PALM2AKAP2: variants seen among roughly 807,000 people sequenced by gnomAD.
The protein encoded by PALM2AKAP2 is PALM2-AKAP2 fusion protein.
In PALM2AKAP2, 37 loss-of-function variants were observed where a neutral mutation model predicts 71.5. That is an observed-to-expected ratio of 0.52 (90% CI 0.40 to 0.68). The LOEUF is 0.68. Ranked by LOEUF, PALM2AKAP2 falls within the 30% of genes least tolerant of loss-of-function variation. The probability of loss-of-function intolerance (pLI) is 0.00; values close to 1 mark genes in which losing one functional copy is unlikely to be tolerated. For missense variants in PALM2AKAP2, 1,224 were observed against 1,191.8 expected, an observed-to-expected ratio of 1.03 and a Z score of -0.40; for synonymous variants, 468 against 478.8, an observed-to-expected ratio of 0.98 and a Z score of 0.29.
chr9:110,101,961 G>A (rs1328906917), intron 1 of PALM2AKAP2, among the ~76,000 whole-genome samples: 1 of 152,212 alleles, frequency 6.6e-6, no homozygotes, highest in Non-Finnish European at 1.5e-5. Context: ...GAGAGCTGCT[G>A]CTGATGGGCA....
At chr9:109,970,114 T>C (rs1226017129) in intron 6 of PALM2AKAP2, among the ~76,000 whole-genome samples, 2 of 152,218 alleles carry the variant, frequency 1.3e-5, no homozygotes, top group Admixed American at 6.5e-5. Flanking sequence ...GAGAACAATG[T>C]CCCTCTCTAT....
intron 6 of PALM2AKAP2, among the ~76,000 whole-genome samples, chr9:109,999,590 C>T (rs1286343059): frequency 6.6e-6 from 1 of 152,158 alleles, no homozygotes; most frequent in Admixed American, 6.5e-5. Flanking sequence ...AAACTTCCTG[C>T]CCAGAACTAA....
At chr9:109,671,478 C>T (rs964735058) in intron 1 of PALM2AKAP2, among the ~76,000 whole-genome samples, 18 of 152,120 alleles carry the variant, frequency 1.2e-4, no homozygotes, top group Non-Finnish European at 2.4e-4. Flanking sequence ...GTTTTTGTAC[C>T]AGTACCATGT....
At chr9:110,010,983 C>A (rs1426608922) in intron 6 of PALM2AKAP2, among the ~76,000 whole-genome samples, 1 of 78,962 alleles carries the variant, frequency 1.3e-5, no homozygotes, top group Admixed American at 1.9e-4. Context: ...GCAACAAGAG[C>A]GAAACTCTGT....
exon 2 of PALM2AKAP2, chr9:110,137,083 G>A: frequency 6.2e-7 from 1 of 1,613,130 alleles, no homozygotes; most frequent in Non-Finnish European, 8.5e-7. Context: ...TGCTGCAGAA[G>A]CAGTTACAGC....
chr9:110,106,689 C>A (rs1361194688), intron 1 of PALM2AKAP2, among the ~76,000 whole-genome samples: 2 of 152,090 alleles, frequency 1.3e-5, no homozygotes, highest in African/African-American at 4.8e-5. Flanking sequence ...TGCCAGCCAG[C>A]CATGAGTGGA....
At chr9:110,143,387 A>G (rs1209851028) in intron 2 of PALM2AKAP2, among the ~76,000 whole-genome samples, 3 of 136,466 alleles carry the variant, frequency 2.2e-5, no homozygotes, top group Non-Finnish European at 3.0e-5. Context: ...GAACCATTGT[A>G]CTCCAGGCTG....
intron 1 of PALM2AKAP2, among the ~76,000 whole-genome samples, chr9:109,739,184 T>C (rs949773009): frequency 1.1e-4 from 16 of 152,176 alleles, no homozygotes; most frequent in African/African-American, 2.9e-4. Context: ...CACCAGACTT[T>C]GCTGACATAG....
intron 2 of PALM2AKAP2, among the ~76,000 whole-genome samples, chr9:109,873,931 A>G (rs1829663287): frequency 6.6e-6 from 1 of 152,200 alleles, no homozygotes. Context: ...ATTTGAACCT[A>G]GGAATTCGAG....
intron 1 of PALM2AKAP2, among the ~76,000 whole-genome samples, chr9:109,687,232 C>A (rs187119000): frequency 6.6e-5 from 10 of 152,158 alleles, no homozygotes; most frequent in African/African-American, 2.4e-4. Flanking sequence ...CTATATTAGC[C>A]CCCAAAAAGA....
At chr9:109,727,552 G>A (rs1828494038) in intron 1 of PALM2AKAP2, among the ~76,000 whole-genome samples, 1 of 152,160 alleles carries the variant, frequency 6.6e-6, no homozygotes, top group Non-Finnish European at 1.5e-5. Context: ...TGATGCAGGT[G>A]GCCAATGATG....
intron 3 of PALM2AKAP2, among the ~76,000 whole-genome samples, chr9:109,918,968 T>TAGCGCAG (rs1233402915): frequency 6.6e-6 from 1 of 152,130 alleles, no homozygotes; most frequent in Non-Finnish European, 1.5e-5. Flanking sequence ...CTGAACCATA[T>TAGCGCAG]AGCGCAGAGC....
chr9:110,078,236 G>A (rs560165470), intron 1 of PALM2AKAP2, among the ~76,000 whole-genome samples: 1 of 152,134 alleles, frequency 6.6e-6, no homozygotes, highest in Non-Finnish European at 1.5e-5. Flanking sequence ...TTTAGACAGG[G>A]TGTATTCTGG....
chr9:109,832,210 A>G (rs1828319632), intron 1 of PALM2AKAP2, among the ~76,000 whole-genome samples: 1 of 152,282 alleles, frequency 6.6e-6, no homozygotes, highest in South Asian at 2.1e-4. Context: ...TGTACACACC[A>G]GAAGTGTTCC....
chr9:109,789,413 T>C (rs1341742822), intron 1 of PALM2AKAP2, among the ~76,000 whole-genome samples: 1 of 152,232 alleles, frequency 6.6e-6, no homozygotes, highest in Non-Finnish European at 1.5e-5. Context: ...TAATGATGGT[T>C]AATATTTTAT....
At chr9:109,688,940 G>T (rs959100437) in intron 1 of PALM2AKAP2, among the ~76,000 whole-genome samples, 15 of 152,172 alleles carry the variant, frequency 9.9e-5, no homozygotes, top group African/African-American at 3.6e-4. Context: ...AATCGATTAT[G>T]TGAGTTTGAG....
chr9:110,044,165 A>G (rs1370500201), upstream of PALM2AKAP2, among the ~76,000 whole-genome samples: 2 of 151,914 alleles, frequency 1.3e-5, no homozygotes, highest in Non-Finnish European at 2.9e-5. Context: ...TGAAATTTTC[A>G]GTGGTGCATC....
At chr9:110,110,687 C>T (rs1835228850) in intron 1 of PALM2AKAP2, among the ~76,000 whole-genome samples, 1 of 151,704 alleles carries the variant, frequency 6.6e-6, no homozygotes, top group East Asian at 1.9e-4. Flanking sequence ...GCTGGGATTA[C>T]AGGCACCTGC....
chr9:110,136,920 G>C (rs1474166628), exon 2 of PALM2AKAP2: 1 of 1,614,090 alleles, frequency 6.2e-7, no homozygotes, highest in African/African-American at 1.3e-5. Context: ...CTCATCCGCA[G>C]CCAGGCCGTC....
Sources: allele counts gnomAD v4.1 joint callset (sites outside exome capture counted in the v4.1 genomes callset), GRCh38; gene constraint gnomAD v4.1.1; transcripts MANE v1.5; gene names NCBI Gene and HGNC (gene_info 2026-07-23, HGNC 2026-07-21).